Variants in RNF217 observed in about 807,000 individuals in gnomAD.
The protein encoded by RNF217 is ring finger protein 217, also known as E3 ubiquitin-protein ligase RNF217.
In RNF217, 31 loss-of-function variants were observed where a neutral mutation model predicts 57.8. The ratio of observed to expected loss-of-function variants is 0.54; its 90% confidence interval spans 0.40 to 0.72. RNF217 has a LOEUF of 0.72. Among genes scored for constraint, RNF217 ranks in the 30% least tolerant of loss-of-function variants. The pLI is 0.00. For synonymous variants in RNF217, 313 were observed against 294.0 expected, an observed-to-expected ratio of 1.06 and a Z score of -0.66; for missense variants, 696 against 708.3, an observed-to-expected ratio of 0.98 and a Z score of 0.20.
At chr6:125,008,034 A>G (rs1321331039) in intron 1 of RNF217, among the ~76,000 whole-genome samples, 2 of 152,138 alleles carry the variant, frequency 1.3e-5, no homozygotes, top group African/African-American at 2.4e-5. Context: ...AGGCGGGTGG[A>G]TCACGAGGTC....
In RNF217 at chr6:125,089,745, G is replaced by C. The variant is rs941254978; in HGVS notation, c.*6808G>C. 6.6e-5 allele frequency: 10 copies of C among 152,080 alleles called. No homozygotes were observed. Among genetic ancestry groups the C allele is most frequent in the Non-Finnish European group, 1.5e-4 (10 of 67,996 alleles). 9.4% of individuals were successfully genotyped at this position (152,080 alleles called of 1,614,324 possible). A position where few individuals can be genotyped will look rare whatever the true frequency, so the allele number is the denominator to read the frequency against. ...TGGCTGGCAAGCTATGCTGTCATTGGTTCTCTGCGAATCTGTGATGTGTTC... is the reference window on the plus strand; with the variant it reads ...TGGCTGGCAAGCTATGCTGTCATTGCTTCTCTGCGAATCTGTGATGTGTTC... On this transcript the variant is annotated 3_prime_UTR_variant, in exon 6 of 6. Coordinates refer to ENST00000521654, the MANE Select transcript of RNF217 (RefSeq NM_001286398.3).
intron 2 of RNF217, among the ~76,000 whole-genome samples, chr6:125,051,446 C>G (rs1787312571): frequency 6.6e-6 from 1 of 151,770 alleles, no homozygotes; most frequent in Non-Finnish European, 1.5e-5. Flanking sequence ...TATCTACCAC[C>G]CTCTGTGCTA....
Position 124,977,589 on chromosome 6 carries a change from A to G in RNF217, c.882+14163A>G, listed in dbSNP as rs1020509839. Among the ~76,000 whole-genome samples the G allele has an allele frequency of 2.6e-5, 4 of 152,196 alleles. No individual in the cohort carries two copies. In the South Asian group the frequency reaches 6.2e-4, roughly 24 times the overall value. On this transcript the variant is annotated intron_variant, in intron 1 of 5. Coordinates refer to ENST00000521654, the MANE Select transcript of RNF217 (RefSeq NM_001286398.3). ...CTCTGTTCTAATATGCTTTTGGCTT[A>G]TTACAATCTAAATGGATTTGACAGA...
At chr6:125,016,270 T>G (rs1785598849) in intron 1 of RNF217, among the ~76,000 whole-genome samples, 2 of 152,028 alleles carry the variant, frequency 1.3e-5, no homozygotes, top group African/African-American at 2.4e-5. Context: ...GGCAAGAAAG[T>G]AAAGACAAAA....
At chr6:125,064,931 C>G (rs9491296) in intron 3 of RNF217, among the ~76,000 whole-genome samples, 9,473 of 151,790 alleles carry the variant, frequency 0.062, 939 homozygotes, top group African/African-American at 0.21. Flanking sequence ...GTAGAATTAG[C>G]TTCTGAATAT....
At position 125,054,608 on chromosome 6, in the gene RNF217, A is replaced by G. The variant is rs545593549; in HGVS notation, c.1117-3334A>G. Among the ~76,000 whole-genome samples the G allele has an allele frequency of 4.7e-4, 72 of 152,324 alleles. 1 individual carries two copies. The highest frequency in any genetic ancestry group is 9.2e-4 in the Admixed American group (14 of 15,298). On this transcript the variant is annotated intron_variant, in intron 2 of 5. Coordinates refer to ENST00000521654, the MANE Select transcript of RNF217 (RefSeq NM_001286398.3). ...CCATTCAACAATGAGCACCCATGCT[A>G]CACAAAGCTCATGCCACCGCTTAGG...
chr6:125,027,246 T>C (rs898605531), intron 1 of RNF217, among the ~76,000 whole-genome samples: 6 of 152,166 alleles, frequency 3.9e-5, no homozygotes, highest in South Asian at 2.1e-4. Context: ...GTAGGTCTTA[T>C]TCATTCTTCC....
At chr6:125,042,250 A>G (rs760321573) in intron 1 of RNF217, among the ~76,000 whole-genome samples, 12 of 152,138 alleles carry the variant, frequency 7.9e-5, no homozygotes, top group Non-Finnish European at 1.5e-4. Context: ...CAAACTGCCA[A>G]TTACTGGCTT....
At position 125,092,403 on chromosome 6, in the gene RNF217, C is replaced by T. The variant is rs895479848; in HGVS notation, c.*9466C>T. 3.9e-5 allele frequency: 6 copies of T among 152,034 alleles called. No individual in the cohort carries two copies. The highest frequency in any genetic ancestry group is 7.2e-5 in the African/African-American group (3 of 41,408). The allele number at this position is 152,034 out of a possible 1,614,324, so 9.4% of individuals were successfully genotyped here. A position where few individuals can be genotyped will look rare whatever the true frequency, so the allele number is the denominator to read the frequency against. The stretch of plus-strand genomic sequence containing the variant: ...TTGGGCTTTTATAAAAAATTATTTT[C>T]GGTTGGTTGTTGTAGAATGGAAGAG... On this transcript the variant is annotated 3_prime_UTR_variant, in exon 6 of 6. Coordinates refer to ENST00000521654, the MANE Select transcript of RNF217 (RefSeq NM_001286398.3).
intron 2 of RNF217, among the ~76,000 whole-genome samples, chr6:125,053,156 T>C (rs1226461577): frequency 6.6e-6 from 1 of 152,152 alleles, no homozygotes; most frequent in East Asian, 1.9e-4. Context: ...TGAACGCTTA[T>C]GTTCCAGCTT....
chr6:125,061,111 T>A (rs996833431), intron 3 of RNF217, among the ~76,000 whole-genome samples: 1 of 152,142 alleles, frequency 6.6e-6, no homozygotes, highest in South Asian at 2.1e-4. Context: ...AAATTGTGTA[T>A]TATAAATAAT....
intron 1 of RNF217, among the ~76,000 whole-genome samples, chr6:124,998,338 G>A (rs995547657): frequency 9.2e-5 from 14 of 152,066 alleles, no homozygotes; most frequent in African/African-American, 3.4e-4. Context: ...GGTACAAACT[G>A]CTGTGGGATA....
chr6:125,041,208 T>TC (rs1786868291), intron 1 of RNF217, among the ~76,000 whole-genome samples: 1 of 152,084 alleles, frequency 6.6e-6, no homozygotes, highest in Admixed American at 6.6e-5. Flanking sequence ...TTTTGTCAAT[T>TC]TAAAAAAATC....
intron 1 of RNF217, among the ~76,000 whole-genome samples, chr6:124,966,250 C>G (rs982958100): frequency 7.2e-5 from 11 of 152,240 alleles, no homozygotes; most frequent in East Asian, 1.9e-4. Flanking sequence ...ATTCTATGGT[C>G]CCTCTACTCA....
chr6:125,018,183 A>G (rs1298635598), intron 1 of RNF217, among the ~76,000 whole-genome samples: 1 of 152,148 alleles, frequency 6.6e-6, no homozygotes, highest in East Asian at 1.9e-4. Flanking sequence ...AGAATCATAT[A>G]ATGCCACTGT....
At position 124,963,438 on chromosome 6, in the gene RNF217, C is replaced by T. The variant is rs1374374706; in HGVS notation, c.882+12C>T. ...ACCTGAGCGCCCAGGTAACTTCACC[C>T]CCTTCTCTTCCCCATTTATCATTCC... is the stretch of plus-strand genomic sequence containing the variant. On this transcript the variant is annotated intron_variant, in intron 1 of 5. Transcript: ENST00000521654. 8.3e-6 allele frequency: 12 copies of T among 1,447,644 alleles called. No individual in the cohort carries two copies. The highest frequency in any genetic ancestry group is 1.4e-5 in the African/African-American group (1 of 70,188). 89.7% of individuals were successfully genotyped at this position (1,447,644 alleles called of 1,614,324 possible).
rs1301096116 is a variant in RNF217, at chr6:125,084,993, C to T, written c.*2056C>T. On this transcript the variant is annotated 3_prime_UTR_variant, in exon 6 of 6. Coordinates refer to ENST00000521654, the MANE Select transcript of RNF217 (RefSeq NM_001286398.3). Reference sequence around the variant, plus strand: ...ATATGTGAATATGATGAACTCTAAACCTAGCTGATCTGTATATGTATGATG... The same window carrying T: ...ATATGTGAATATGATGAACTCTAAATCTAGCTGATCTGTATATGTATGATG... 2 of 149,860 alleles carry T rather than the reference C, an allele frequency of 1.3e-5. No individual in the cohort carries two copies. Among genetic ancestry groups the T allele is most frequent in the South Asian group, 2.1e-4 (1 of 4,758 alleles). The allele number at this position is 149,860 out of a possible 1,614,324, so 9.3% of individuals were successfully genotyped here.
intron 1 of RNF217, among the ~76,000 whole-genome samples, chr6:125,009,856 T>A (rs964659614): frequency 1.3e-5 from 2 of 152,184 alleles, no homozygotes; most frequent in African/African-American, 4.8e-5. Context: ...TATTACACAA[T>A]CTTTAAAAAT....
intron 1 of RNF217, among the ~76,000 whole-genome samples, chr6:124,963,845 C>T (rs1783415587): frequency 6.6e-6 from 1 of 152,168 alleles, no homozygotes; most frequent in Non-Finnish European, 1.5e-5. Context: ...TATTTCAGAC[C>T]CATAATACAT....
Sources: gnomAD v4.1 joint callset for allele counts (sites outside exome capture counted in the v4.1 genomes callset) on GRCh38, gnomAD v4.1.1 for gene constraint, MANE v1.5 for transcripts, NCBI Gene and HGNC (gene_info 2026-07-23, HGNC 2026-07-21) for gene names.